Variants in CLYBL observed in about 807,000 individuals in gnomAD.
CLYBL encodes citramalyl-CoA lyase, also known as citramalyl-CoA lyase, mitochondrial.
Under a neutral mutation model 38.9 loss-of-function variants are expected in CLYBL, and 31 were observed. The observed-to-expected ratio is 0.80, with a 90% confidence interval of 0.60 to 1.08. The LOEUF (loss-of-function observed/expected upper bound fraction) is 1.08, where lower values mean the gene tolerates loss of function less well. Among genes scored for constraint, CLYBL ranks in the 50% least tolerant of loss-of-function variants. CLYBL has a pLI of 0.00. For missense variants in CLYBL, 434 were observed against 411.6 expected (o/e 1.05, Z -0.47); for synonymous variants, 171 against 158.6 (o/e 1.08, Z -0.59).
At chr13:99,747,709 A>G (rs1011505092) in intron 1 of CLYBL, among the ~76,000 whole-genome samples, 9 of 152,314 alleles carry the variant, frequency 5.9e-5, no homozygotes, top group African/African-American at 1.9e-4. Context: ...GTGGCCTCAC[A>G]AGGCAGATTC....
intron 1 of CLYBL, among the ~76,000 whole-genome samples, chr13:99,626,301 G>A (rs1245205312): frequency 1.3e-5 from 2 of 152,234 alleles, no homozygotes; most frequent in African/African-American, 4.8e-5. Flanking sequence ...TGTGGAGTAT[G>A]GGATTCCCAG....
chr13:99,645,927 G>A lies in CLYBL; in HGVS notation c.62+39170G>A, dbSNP rs559366514. On this transcript the variant is annotated intron_variant, in intron 1 of 8. Coordinates refer to ENST00000339105, the MANE Select transcript of CLYBL (RefSeq NM_206808.5). Reference sequence around the variant, plus strand: ...GATCCAGGGAGAGGGCTTTCTTTAAGGGGTGTGGGGCATGAATAAGCCACC... The same window carrying A: ...GATCCAGGGAGAGGGCTTTCTTTAAAGGGTGTGGGGCATGAATAAGCCACC... Among the ~76,000 whole-genome samples, 336 of 152,272 alleles carry A rather than the reference G, an allele frequency of 2.2e-3. 2 individuals carry two copies. The highest frequency in any genetic ancestry group is 7.8e-3 in the African/African-American group (324 of 41,540).
intron 1 of CLYBL, among the ~76,000 whole-genome samples, chr13:99,610,569 C>G (rs1048661698): frequency 6.6e-6 from 1 of 152,094 alleles, no homozygotes; most frequent in Admixed American, 6.6e-5. Flanking sequence ...CAAAGGTTTC[C>G]TTAAATTCCT....
chr13:99,757,573 G>A (rs1188766713), intron 1 of CLYBL, among the ~76,000 whole-genome samples: 4 of 151,878 alleles, frequency 2.6e-5, no homozygotes, highest in Non-Finnish European at 4.4e-5. Flanking sequence ...CTCCTGCCTT[G>A]GCTGCCATTG....
chr13:99,613,022 GA>G (rs36044234), intron 1 of CLYBL, among the ~76,000 whole-genome samples: 2 of 136,858 alleles, frequency 1.5e-5, no homozygotes, highest in Non-Finnish European at 3.1e-5. Context: ...TAAAAATAGT[GA>G]TGATAATAAT....
chr13:99,824,714 CCTAG>C (rs1166531613), intron 2 of CLYBL, among the ~76,000 whole-genome samples: 3 of 152,120 alleles, frequency 2.0e-5, no homozygotes, highest in Non-Finnish European at 4.4e-5. Context: ...TGGCTTGCCT[CCTAG>C]CTGTTTTGTC....
intron 2 of CLYBL, among the ~76,000 whole-genome samples, chr13:99,854,715 G>A (rs778999117): frequency 2.6e-4 from 39 of 152,180 alleles, no homozygotes; most frequent in Non-Finnish European, 4.7e-4. Flanking sequence ...CCAACTGCAC[G>A]CATATTTTCT....
chr13:99,879,088 C>T (rs903402817), intron 7 of CLYBL, among the ~76,000 whole-genome samples: 1 of 152,162 alleles, frequency 6.6e-6, no homozygotes, highest in Non-Finnish European at 1.5e-5. Flanking sequence ...TCAGCCGCCT[C>T]GACCTTTCCT....
intron 2 of CLYBL, among the ~76,000 whole-genome samples, chr13:99,854,812 T>C (rs2051419528): frequency 6.6e-6 from 1 of 152,176 alleles, no homozygotes. Flanking sequence ...CCCCAGGTGA[T>C]AGGAATCCAG....
chr13:99,824,078 A>G (rs1349338222), intron 2 of CLYBL, among the ~76,000 whole-genome samples: 3 of 152,202 alleles, frequency 2.0e-5, no homozygotes, highest in Non-Finnish European at 4.4e-5. Context: ...AGAAATATTT[A>G]TTTTATCCTC....
At chr13:99,862,542 G>A (rs2051630139) in intron 3 of CLYBL, among the ~76,000 whole-genome samples, 2 of 152,300 alleles carry the variant, frequency 1.3e-5, no homozygotes, top group South Asian at 4.1e-4. Context: ...TGAATAATAT[G>A]GACTCCACGT....
At chr13:99,811,058 G>A (rs958764) in intron 2 of CLYBL, among the ~76,000 whole-genome samples, 4,560 of 152,216 alleles carry the variant, frequency 0.03, 224 homozygotes, top group African/African-American at 0.1. Context: ...TGGACCCTGT[G>A]GTGCCACTCT....
rs1230960296 is a variant in CLYBL, at chr13:99,651,321, C to A, written c.62+44564C>A. 3.3e-5 allele frequency among the ~76,000 whole-genome samples: 5 copies of A among 152,240 alleles called. No homozygotes were observed. The East Asian group carries it at 9.6e-4, about 29-fold the overall frequency. On this transcript the variant is annotated intron_variant, in intron 1 of 8. Coordinates refer to ENST00000339105, the MANE Select transcript of CLYBL (RefSeq NM_206808.5). ...AGGTGAGGTGGCTCACGCCTGTAAT[C>A]CCAGCACTTGGGGAAGCCAAGGCGA...
intron 2 of CLYBL, among the ~76,000 whole-genome samples, chr13:99,785,541 A>G (rs529981153): frequency 6.6e-6 from 1 of 151,334 alleles, no homozygotes; most frequent in Non-Finnish European, 1.5e-5. Context: ...TCCAGAGACA[A>G]TCCCTTTTAC....
chr13:99,645,497 C>CAA (rs35412408), intron 1 of CLYBL, among the ~76,000 whole-genome samples: 27,378 of 93,796 alleles, frequency 0.29, 4,122 homozygotes, highest in East Asian at 0.54. Context: ...GACTCTGTCT[C>CAA]AAAAAAAAAA....
intron 2 of CLYBL, among the ~76,000 whole-genome samples, chr13:99,797,848 CCTAA>C (rs1594189371): frequency 2.0e-5 from 3 of 152,294 alleles, no homozygotes; most frequent in South Asian, 2.1e-4. Flanking sequence ...AAAATTATAG[CCTAA>C]CTGTCTTCCT....
intron 2 of CLYBL, among the ~76,000 whole-genome samples, chr13:99,777,010 G>A (rs1434015827): frequency 6.6e-6 from 1 of 151,970 alleles, no homozygotes; most frequent in Non-Finnish European, 1.5e-5. Flanking sequence ...CTCCCAAGTA[G>A]CTGGGATTAC....
rs896502647 is a variant in CLYBL at position 99,708,367 on chromosome 13, T to G, written c.63-64457T>G. ...CTAATTTGTTTATTTCCCATTCATA[T>G]ACTTCATTTATTCACTCACTCACTT... is the stretch of plus-strand genomic sequence containing the variant. On this transcript the variant is annotated intron_variant, in intron 1 of 8. Transcript: ENST00000339105. Among the ~76,000 whole-genome samples the G allele has an allele frequency of 2.4e-4, 37 of 152,336 alleles. 1 individual carries two copies. Among genetic ancestry groups the G allele is most frequent in the Admixed American group, 9.2e-4 (14 of 15,294 alleles).
At chr13:99,890,349 T>C (rs1381555317) in intron 7 of CLYBL, among the ~76,000 whole-genome samples, 2 of 152,120 alleles carry the variant, frequency 1.3e-5, no homozygotes, top group African/African-American at 4.8e-5. Flanking sequence ...ATAAGTATGG[T>C]AGAAGTTTTT....
Sources: gnomAD v4.1 joint callset for allele counts (sites outside exome capture counted in the v4.1 genomes callset) on GRCh38, gnomAD v4.1.1 for gene constraint, MANE v1.5 for transcripts, NCBI Gene and HGNC (gene_info 2026-07-23, HGNC 2026-07-21) for gene names.